The following LYST variants were observed in gnomAD, a reference collection of about 807,000 sequenced individuals.
The protein encoded by LYST is lysosomal trafficking regulator, also known as lysosomal-trafficking regulator.
In LYST, 192 loss-of-function variants were observed where a neutral mutation model predicts 413.6. The observed-to-expected ratio is 0.46, with a 90% confidence interval of 0.41 to 0.52. The LOEUF (loss-of-function observed/expected upper bound fraction) is 0.52. Ranked by LOEUF, LYST falls within the 20% of genes least tolerant of loss-of-function variation. The pLI is 0.00. For missense variants in LYST, 3,815 were observed against 4,499.9 expected (o/e 0.85, Z 4.35); for synonymous variants, 1,525 against 1,567.3 (o/e 0.97, Z 0.64).
chr1:235,824,272 T>C lies in LYST; in HGVS notation c.192+5954A>G, dbSNP rs529147705. Among the ~76,000 whole-genome samples, 9 of 152,302 alleles carry C rather than the reference T, an allele frequency of 5.9e-5. No individual in the cohort carries two copies. The South Asian group carries it at 8.3e-4, about 14-fold the overall frequency. ...TTTATAAAACATCCACAGAGTGCAA[T>C]AGGTATGGAAATTATGTATCACTGA... On this transcript the variant is annotated intron_variant, in intron 3 of 52. Transcript: ENST00000389793.
intron 47 of LYST, among the ~76,000 whole-genome samples, chr1:235,691,348 AG>A (rs752256025): frequency 1.3e-5 from 2 of 152,272 alleles, no homozygotes; most frequent in Non-Finnish European, 2.9e-5. Flanking sequence ...TTAAGTTACT[AG>A]TCAAAGGCTG....
At chr1:235,872,879 G>A (rs764287138) in intron 1 of LYST, among the ~76,000 whole-genome samples, 5 of 152,140 alleles carry the variant, frequency 3.3e-5, no homozygotes, top group African/African-American at 1.2e-4. Flanking sequence ...TCCCACCATC[G>A]CACTCCAGCC....
chr1:235,736,687 T>C (rs966979285), intron 31 of LYST: 5 of 152,184 alleles, frequency 3.3e-5, no homozygotes, highest in Non-Finnish European at 7.4e-5. Flanking sequence ...GATCACTCTG[T>C]ACTACTATGT....
intron 3 of LYST, among the ~76,000 whole-genome samples, chr1:235,815,861 G>C (rs1467563025): frequency 6.6e-6 from 1 of 152,084 alleles, no homozygotes; most frequent in Admixed American, 6.5e-5. Flanking sequence ...GGCCGGGCGC[G>C]GTGGCTCACG....
intron 3 of LYST, among the ~76,000 whole-genome samples, chr1:235,819,488 A>T (rs1343478079): frequency 6.6e-6 from 1 of 152,156 alleles, no homozygotes; most frequent in Non-Finnish European, 1.5e-5. Flanking sequence ...ATAGTCACAG[A>T]ATCCAGGGGA....
Position 235,709,234 on chromosome 1 carries a change from G to T in LYST, c.10000C>A (p.Pro3334Thr). 1 of 1,614,092 alleles carries T rather than the reference G, an allele frequency of 6.2e-7. No homozygotes were observed. The highest frequency in any genetic ancestry group is 8.5e-7 in the Non-Finnish European group (1 of 1,180,016). Reference protein sequence around the residue: ...VNLPPWARNDPRLFILIHRQA... With the variant: ...VNLPPWARNDTRLFILIHRQA... ...CGATGGATGAGGATAAAAAGACGAG[G>T]ATCATTACGCGCCCAAGGGGGAAGG... is the stretch of plus-strand genomic sequence containing the variant. The change falls in exon 44 of 53, where the codon CCT becomes ACT. Residue 3334 changes from proline (P) to threonine (T), a missense_variant. Physicochemically the swap from Pro to Thr is conservative, Grantham distance 38. Coordinates refer to ENST00000389793, the MANE Select transcript of LYST (RefSeq NM_000081.4).
At position 235,674,128 on chromosome 1, in the gene LYST, C is replaced by T. The variant is rs979831074; in HGVS notation, c.11038+2963G>A. Among the ~76,000 whole-genome samples the T allele has an allele frequency of 2.6e-5, 4 of 152,100 alleles. No homozygotes were observed. The highest frequency in any genetic ancestry group is 7.2e-5 in the African/African-American group (3 of 41,418). ...TCAGCCCTCCAGAGCTATTTGGCCT[C>T]CAAGTAACAATGTCAATTTTACCTT... On this transcript the variant is annotated intron_variant, in intron 50 of 52. Transcript: ENST00000389793. The surrounding 1 kb of genome is among the most constrained non-coding windows in gnomAD (Gnocchi z 4.1).
intron 38 of LYST, among the ~76,000 whole-genome samples, chr1:235,725,555 G>A (rs1663790599): frequency 6.6e-6 from 1 of 152,156 alleles, no homozygotes; most frequent in South Asian, 2.1e-4. Flanking sequence ...ATAACTGTGG[G>A]CCTGCCATCA....
At chr1:235,738,140 A>C in intron 31 of LYST, 1 of 1,608,836 alleles carries the variant, frequency 6.2e-7, no homozygotes, top group Non-Finnish European at 8.5e-7. Flanking sequence ...TGGCAGGCGA[A>C]CTTGCTCTTG....
chr1:235,737,122 T>A (rs983394981), intron 31 of LYST: 3 of 152,176 alleles, frequency 2.0e-5, no homozygotes, highest in Non-Finnish European at 4.4e-5. Context: ...TAAGTGCTTT[T>A]ATAATACAGT....
intron 11 of LYST, 139 bp downstream of exon 11, chr1:235,793,364 A>G (rs1558253769): frequency 1.5e-5 from 8 of 526,302 alleles, no homozygotes; most frequent in Non-Finnish European, 2.7e-5. Context: ...ACACATAATA[A>G]CATGAAATTG....
Position 235,777,011 on chromosome 1 carries a change from A to G in LYST, c.5460+52T>C, listed in dbSNP as rs547513698. ...CCAAAAGAAATCCTTTAATTTATCA[A>G]TAATAAGTAAGTCATTTCTCTTTAG... On this transcript the variant is annotated intron_variant, in intron 17 of 52. Transcript: ENST00000389793. 5.1e-4 allele frequency: 782 copies of G among 1,536,044 alleles called. 1 individual carries two copies. Among genetic ancestry groups the G allele is most frequent in the Non-Finnish European group, 6.0e-4 (672 of 1,113,832 alleles).
At position 235,730,567 on chromosome 1, in the gene LYST, ATG is replaced by A. The variant is rs4006790; in HGVS notation, c.9044+278_9044+279del. On this transcript the variant is annotated intron_variant, in intron 36 of 52. Coordinates refer to ENST00000389793, the MANE Select transcript of LYST (RefSeq NM_000081.4). The stretch of plus-strand genomic sequence containing the variant: ...TATGTGTATATATATACATATTTAT[ATG>A]TGTGTGTGTGTGTGTGTGTGTGTGT... 0.04 allele frequency among the ~76,000 whole-genome samples: 5,550 copies of A among 137,448 alleles called. 130 individuals carry two copies. The highest frequency in any genetic ancestry group is 0.099 in the South Asian group (408 of 4,136). 90.2% of individuals were successfully genotyped at this position (137,448 alleles called of 152,430 possible). A position where few individuals can be genotyped will look rare whatever the true frequency, so the allele number is the denominator to read the frequency against.
chr1:235,710,865 T>G (rs983143294), intron 43 of LYST, among the ~76,000 whole-genome samples: 1 of 152,144 alleles, frequency 6.6e-6, no homozygotes, highest in African/African-American at 2.4e-5. Context: ...AGGGCTGCCG[T>G]GCTGTGGGGA....
intron 50 of LYST, among the ~76,000 whole-genome samples, chr1:235,666,595 CACACACACACAT>C (rs1176436571): frequency 7.5e-6 from 1 of 133,382 alleles, no homozygotes; most frequent in Non-Finnish European, 1.6e-5. Context: ...CACATGCACA[CACACACACACAT>C]ACACACACAC....
chr1:235,727,062 C>CT (rs961827671), intron 38 of LYST, among the ~76,000 whole-genome samples: 6 of 150,074 alleles, frequency 4.0e-5, no homozygotes, highest in Non-Finnish European at 7.4e-5. Context: ...ACTTTCATGA[C>CT]TTTTTTTTTA....
At position 235,755,080 on chromosome 1, in the gene LYST, C is replaced by CAA. The variant is rs763926458; in HGVS notation, c.7229+396_7229+397dup. ...TGGGTGACAGAGTGAGACATTGTCT[C>CAA]AAAAAAAAAAAAAAAAAAAAAAAAA... On this transcript the variant is annotated intron_variant, in intron 25 of 52. Coordinates refer to ENST00000389793, the MANE Select transcript of LYST (RefSeq NM_000081.4). 9.0e-4 allele frequency among the ~76,000 whole-genome samples: 26 copies of CAA among 29,006 alleles called. 1 individual carries two copies. Among genetic ancestry groups the CAA allele is most frequent in the South Asian group, 2.2e-3 (1 of 454 alleles). The allele number at this position is 29,006 out of a possible 152,430, so 19.0% of individuals were successfully genotyped here. A position where few individuals can be genotyped will look rare whatever the true frequency, so the allele number is the denominator to read the frequency against.
intron 1 of LYST, among the ~76,000 whole-genome samples, chr1:235,843,889 T>C (rs985741041): frequency 5.9e-5 from 9 of 152,228 alleles, no homozygotes; most frequent in African/African-American, 1.9e-4. Context: ...CAAAAAATCC[T>C]GGAAAATTCC....
At chr1:235,826,970 G>A (rs1572385477) in intron 3 of LYST, among the ~76,000 whole-genome samples, 1 of 152,162 alleles carries the variant, frequency 6.6e-6, no homozygotes, top group East Asian at 1.9e-4. Context: ...GATGTGAGGT[G>A]TATTTGTCAC....
Sources: gnomAD v4.1 joint callset for allele counts (sites outside exome capture counted in the v4.1 genomes callset) on GRCh38, gnomAD v4.1.1 for gene constraint, Gnocchi (gnomAD v3.1) non-coding constraint, MANE v1.5 for transcripts, NCBI Gene and HGNC (gene_info 2026-07-23, HGNC 2026-07-21) for gene names.